The following LPP variants were observed in gnomAD, a reference collection of about 807,000 sequenced individuals.
The protein encoded by LPP is LIM domain containing preferred translocation partner in lipoma.
In LPP, 38 loss-of-function variants were observed where a neutral mutation model predicts 60.4. The ratio of observed to expected loss-of-function variants is 0.63; its 90% CI spans 0.49 to 0.83. LPP has a LOEUF of 0.83. LPP is among the 40% of genes least tolerant of loss of function. The pLI is 0.00. For synonymous variants in LPP, 328 were observed against 290.8 expected (o/e 1.13, Z -1.30); for missense variants, 902 against 783.6 (o/e 1.15, Z -1.80).
chr3:188,486,297 T>C (rs1276269233), intron 5 of LPP, among the ~76,000 whole-genome samples: 1 of 152,234 alleles, frequency 6.6e-6, no homozygotes. Context: ...AAATATTCTG[T>C]ATTCCTATGT....
intron 2 of LPP, among the ~76,000 whole-genome samples, chr3:188,267,550 C>T (rs1736017534): frequency 6.6e-6 from 1 of 152,124 alleles, no homozygotes; most frequent in Non-Finnish European, 1.5e-5. Flanking sequence ...TAGCCAGGGC[C>T]GAGTTATCTC....
chr3:188,617,424 A>G (rs1845062227), intron 7 of LPP, among the ~76,000 whole-genome samples: 1 of 152,186 alleles, frequency 6.6e-6, no homozygotes, highest in Non-Finnish European at 1.5e-5. Flanking sequence ...AGGTGTAATA[A>G]TAACTATTGT....
chr3:188,841,676 A>C (rs1760063904), intron 9 of LPP, among the ~76,000 whole-genome samples: 3 of 152,120 alleles, frequency 2.0e-5, no homozygotes, highest in Non-Finnish European at 4.4e-5. Context: ...TTGTTTTCTT[A>C]ACTACCCATT....
intron 7 of LPP, among the ~76,000 whole-genome samples, chr3:188,675,535 A>C (rs1335433778): frequency 6.6e-6 from 1 of 152,182 alleles, no homozygotes; most frequent in Admixed American, 6.6e-5. Context: ...CAACACATCA[A>C]GGGGTGTTGG....
intron 3 of LPP, among the ~76,000 whole-genome samples, chr3:188,368,719 C>CACACACAG (rs1257085181): frequency 1.0e-4 from 10 of 99,652 alleles, no homozygotes; most frequent in Non-Finnish European, 2.4e-4. Flanking sequence ...CACACACACA[C>CACACACAG]AGAGAGAGAG....
intron 2 of LPP, among the ~76,000 whole-genome samples, chr3:188,329,203 G>A (rs1414145083): frequency 6.6e-6 from 1 of 152,172 alleles, no homozygotes; most frequent in African/African-American, 2.4e-5. Context: ...GAGGAGAGTG[G>A]TGGAAAGATG....
intron 6 of LPP, among the ~76,000 whole-genome samples, chr3:188,531,083 G>C (rs1453241971): frequency 6.6e-6 from 1 of 152,076 alleles, no homozygotes. Context: ...ATGACTGAGT[G>C]ACTTGGAACA....
chr3:188,158,169 T>G (rs962646423), intron 1 of LPP, among the ~76,000 whole-genome samples: 4 of 152,102 alleles, frequency 2.6e-5, no homozygotes, highest in African/African-American at 9.7e-5. Flanking sequence ...AACCTGGGAC[T>G]TTGACCCTGG....
chr3:188,352,694 A>G lies in LPP; in HGVS notation c.-10+10975A>G, dbSNP rs1766255894. ...TCAGGTCTTGTTTCCCTGCTTGTTG[A>G]TGTTCCAGCTGCATGCACGGCACTG... On this transcript the variant is annotated intron_variant, in intron 3 of 11. Transcript: ENST00000617246. This position sits in a 1 kb window ranked among gnomAD's most constrained non-coding sequence, Gnocchi z 4.4. Among the ~76,000 whole-genome samples the G allele has an allele frequency of 3.3e-5, 1 of 30,014 alleles. No individual in the cohort carries two copies. Among genetic ancestry groups the G allele is most frequent in the Non-Finnish European group, 7.6e-5 (1 of 13,232 alleles). 19.7% of individuals were successfully genotyped at this position (30,014 alleles called of 152,430 possible). A position where few individuals can be genotyped will look rare whatever the true frequency, so the allele number is the denominator to read the frequency against.
In LPP at chr3:188,883,771, T is replaced by C. The variant is rs1016740872; in HGVS notation, c.*9292T>C. The C allele has an allele frequency of 1.4e-4, 26 of 181,824 alleles. No homozygotes were observed. The highest frequency in any genetic ancestry group is 6.3e-4 in the African/African-American group (25 of 39,388). The allele number at this position is 181,824 out of a possible 1,614,324, so 11.3% of individuals were successfully genotyped here. On this transcript the variant is annotated 3_prime_UTR_variant, in exon 12 of 12. Coordinates refer to ENST00000617246, the MANE Select transcript of LPP (RefSeq NM_001375462.1). ...AAAAAAAAAGGTTGGGAAATATTGG[T>C]GTATAATCCCCATGTCTAACAAGGA...
intron 7 of LPP, among the ~76,000 whole-genome samples, chr3:188,647,388 A>T (rs1851306624): frequency 6.7e-6 from 1 of 149,094 alleles, no homozygotes; most frequent in African/African-American, 2.5e-5. Context: ...TCATTAGTTG[A>T]AAAAAAAAAA....
At chr3:188,855,579 C>T (rs1335946400) in intron 9 of LPP, among the ~76,000 whole-genome samples, 3 of 152,156 alleles carry the variant, frequency 2.0e-5, no homozygotes, top group African/African-American at 7.2e-5. Flanking sequence ...TTGGATGAAT[C>T]TTTGGAGTAC....
chr3:188,349,916 C>T (rs1765400222), intron 3 of LPP, among the ~76,000 whole-genome samples: 1 of 152,216 alleles, frequency 6.6e-6, no homozygotes, highest in African/African-American at 2.4e-5. Context: ...ATCCAATTTG[C>T]AGTCCATGCC....
intron 7 of LPP, among the ~76,000 whole-genome samples, chr3:188,651,800 A>G (rs1852140082): frequency 6.6e-6 from 1 of 152,174 alleles, no homozygotes; most frequent in Admixed American, 6.5e-5. Context: ...TTCCCACAAC[A>G]CATGGGAATT....
At chr3:188,240,288 A>T (rs1723669503) in intron 2 of LPP, 2 of 168,648 alleles carry the variant, frequency 1.2e-5, no homozygotes, top group Admixed American at 6.4e-5. Context: ...GGAATAGCTT[A>T]CAGCTTGCCT....
intron 6 of LPP, among the ~76,000 whole-genome samples, chr3:188,598,502 C>G (rs1315863813): frequency 6.6e-6 from 1 of 151,870 alleles, no homozygotes; most frequent in East Asian, 1.9e-4. Flanking sequence ...TTTACTGCAT[C>G]AAGAGGAGAA....
intron 6 of LPP, among the ~76,000 whole-genome samples, chr3:188,588,219 C>A (rs556011909): frequency 6.6e-6 from 1 of 152,274 alleles, no homozygotes; most frequent in East Asian, 1.9e-4. Context: ...CAAAATGTCA[C>A]CCTCAGCTAA....
chr3:188,363,983 G>A (rs146553248), intron 3 of LPP, among the ~76,000 whole-genome samples: 208 of 152,014 alleles, frequency 1.4e-3, no homozygotes, highest in African/African-American at 4.9e-3. Flanking sequence ...CAGAAGCGTG[G>A]TCAAGCACAT....
At chr3:188,696,403 C>T (rs769131745) in intron 7 of LPP, among the ~76,000 whole-genome samples, 2 of 152,056 alleles carry the variant, frequency 1.3e-5, no homozygotes, top group Non-Finnish European at 2.9e-5. Flanking sequence ...GATGCCGAGG[C>T]GGGCAGATCA....
Sources: gnomAD v4.1 joint callset for allele counts (sites outside exome capture counted in the v4.1 genomes callset) on GRCh38, gnomAD v4.1.1 for gene constraint, Gnocchi (gnomAD v3.1) non-coding constraint, MANE v1.5 for transcripts, NCBI Gene and HGNC (gene_info 2026-07-23, HGNC 2026-07-21) for gene names.